The following AP1M1 variants were observed in gnomAD, a reference collection of about 807,000 sequenced individuals.
AP1M1 encodes the protein AP-1 complex subunit mu-1.
Under a neutral mutation model 57.1 loss-of-function variants are expected in AP1M1, and 18 were observed. That is an observed-to-expected ratio of 0.32 (90% confidence interval 0.22 to 0.47). AP1M1 has a LOEUF of 0.47. AP1M1 is among the 20% of genes least tolerant of loss of function. The probability of loss-of-function intolerance (pLI) is 1.00; values close to 1 mark genes in which losing one functional copy is unlikely to be tolerated. For synonymous variants in AP1M1, 241 were observed against 237.9 expected (o/e 1.01, Z -0.12); for missense variants, 362 against 593.5 (o/e 0.61, Z 4.05).
Position 16,238,264 on chromosome 19 carries a change from C to T in AP1M1, c.*3829C>T, listed in dbSNP as rs1341855071. Reference sequence around the variant, plus strand: ...CTAGTTGAGAAAAGCCCTGAGAAGTCCATGCACCAATATATAGAGAAATAT... The same window carrying T: ...CTAGTTGAGAAAAGCCCTGAGAAGTTCATGCACCAATATATAGAGAAATAT... On this transcript the variant is annotated 3_prime_UTR_variant, in exon 12 of 12. Transcript: ENST00000291439. The T allele has an allele frequency of 1.3e-5, 2 of 152,134 alleles. No individual in the cohort carries two copies. The highest frequency in any genetic ancestry group is 2.9e-5 in the Non-Finnish European group (2 of 68,048). 9.4% of individuals were successfully genotyped at this position (152,134 alleles called of 1,614,324 possible). A position where few individuals can be genotyped will look rare whatever the true frequency, so the allele number is the denominator to read the frequency against.
intron 5 of AP1M1, among the ~76,000 whole-genome samples, chr19:16,223,740 C>T (rs1042261891): frequency 6.6e-6 from 1 of 152,142 alleles, no homozygotes; most frequent in Non-Finnish European, 1.5e-5. Flanking sequence ...GGTGGGAACA[C>T]TCTGCATTCG....
chr19:16,215,463 CAAAAAAAAAAAA>C (rs59357311), intron 5 of AP1M1, among the ~76,000 whole-genome samples: 14 of 31,000 alleles, frequency 4.5e-4, no homozygotes, highest in South Asian at 1.8e-3. Context: ...GATTCCATCT[CAAAAAAAAAAAA>C]AAAAAAAAAA....
In AP1M1 at chr19:16,209,099, G is replaced by T. The variant is rs747379798; in HGVS notation, c.468G>T (p.Ala156=). ...GGCCACCAGCCACCGTCACCAACGC[G>T]GTGTCCTGGCGGTCCGAAGGCATCA... ...APRPPATVTN[A]VSWRSEGIKY... Residue 156 remains alanine, a synonymous_variant, in exon 5 of 12, where the codon GCG becomes GCT. Transcript: ENST00000291439. 6.2e-6 allele frequency: 10 copies of T among 1,614,192 alleles called. No individual in the cohort carries two copies. Among genetic ancestry groups the T allele is most frequent in the Middle Eastern group, 3.3e-4 (2 of 6,062 alleles).
rs2091621746 is a variant in AP1M1, at chr19:16,235,636, T to TGGCC, written c.*1202_*1205dup. On this transcript the variant is annotated 3_prime_UTR_variant, in exon 12 of 12. Coordinates refer to ENST00000291439, the MANE Select transcript of AP1M1 (RefSeq NM_032493.4). The stretch of plus-strand genomic sequence containing the variant: ...TTGTCCCCACCTCTCCCCAAACTGA[T>TGGCC]GGCCCACTCAGAGCATGGTCCTTGT... 2 of 152,328 alleles carry TGGCC rather than the reference T, an allele frequency of 1.3e-5. No homozygotes were observed. The highest frequency in any genetic ancestry group is 4.8e-5 in the African/African-American group (2 of 41,458). 9.4% of individuals were successfully genotyped at this position (152,328 alleles called of 1,614,324 possible). A position where few individuals can be genotyped will look rare whatever the true frequency, so the allele number is the denominator to read the frequency against.
chr19:16,233,903 A>G, intron 10 of AP1M1: 1 of 547,196 alleles, frequency 1.8e-6, no homozygotes, highest in Non-Finnish European at 3.2e-6. Flanking sequence ...TCAAAAGCCC[A>G]CAGAGGGAGG....
chr19:16,202,181 G>T (rs892930649), intron 1 of AP1M1, among the ~76,000 whole-genome samples: 3 of 152,176 alleles, frequency 2.0e-5, no homozygotes, highest in Non-Finnish European at 2.9e-5. Flanking sequence ...CGCCTTGAGA[G>T]AATAAAGGCA....
chr19:16,201,597 C>A (rs2145111261), intron 1 of AP1M1, among the ~76,000 whole-genome samples: 1 of 152,082 alleles, frequency 6.6e-6, no homozygotes, highest in South Asian at 2.1e-4. Flanking sequence ...AGGGTTTCAC[C>A]ATATTGGTCA....
At position 16,227,310 on chromosome 19, in the gene AP1M1, C is replaced by T. The variant is rs1315918994; in HGVS notation, c.674-238C>T. On this transcript the variant is annotated intron_variant, in intron 6 of 11. Coordinates refer to ENST00000291439, the MANE Select transcript of AP1M1 (RefSeq NM_032493.4). The surrounding 1 kb of genome is among the most constrained non-coding windows in gnomAD (Gnocchi z 6.2). ...TCCCCTGGCTGGGCCCTGGGATGGC[C>T]GCTGGGGACTCAGCATGAACCAGAC... Among the ~76,000 whole-genome samples the T allele has an allele frequency of 1.0e-5, 1 of 98,786 alleles. No individual in the cohort carries two copies. The highest frequency in any genetic ancestry group is 3.0e-5 in the Non-Finnish European group (1 of 33,076). 64.8% of individuals were successfully genotyped at this position (98,786 alleles called of 152,430 possible). A position where few individuals can be genotyped will look rare whatever the true frequency, so the allele number is the denominator to read the frequency against.
chr19:16,223,937 T>C (rs1207039603), intron 5 of AP1M1, among the ~76,000 whole-genome samples: 1 of 152,226 alleles, frequency 6.6e-6, no homozygotes, highest in Non-Finnish European at 1.5e-5. Flanking sequence ...CTGTATGGGC[T>C]CAGCCAATCC....
At chr19:16,226,635 A>T (rs995523679) in intron 6 of AP1M1, 88 bp downstream of exon 6, 2 of 1,457,048 alleles carry the variant, frequency 1.4e-6, no homozygotes, top group Non-Finnish European at 1.8e-6. Flanking sequence ...GGCCAGGCGG[A>T]GGAACGAGCT....
chr19:16,209,715 A>G (rs905032586), intron 5 of AP1M1, among the ~76,000 whole-genome samples: 4 of 152,186 alleles, frequency 2.6e-5, no homozygotes, highest in African/African-American at 4.8e-5. Context: ...ACAGACAGAA[A>G]CAAGTATATT....
At chr19:16,214,970 G>A (rs2091511293) in intron 5 of AP1M1, among the ~76,000 whole-genome samples, 1 of 149,672 alleles carries the variant, frequency 6.7e-6, no homozygotes, top group African/African-American at 2.5e-5. Context: ...GCTAGTCTCA[G>A]ACTCCTGGAT....
Position 16,203,387 on chromosome 19 carries a change from A to G in AP1M1, c.43-72A>G, listed in dbSNP as rs1403205934. ...AGAGCGAAGCAGGGTGGTGCATCTC[A>G]CCCCCTGCCCCAAGCCCCCAGATTG... On this transcript the variant is annotated intron_variant, in intron 1 of 11. Transcript: ENST00000291439. The surrounding 1 kb of genome is among the most constrained non-coding windows in gnomAD (Gnocchi z 4.6). 1.3e-6 allele frequency: 2 copies of G among 1,527,410 alleles called. No homozygotes were observed. The highest frequency in any genetic ancestry group is 2.7e-5 in the African/African-American group (2 of 72,956). The allele number at this position is 1,527,410 out of a possible 1,614,324, so 94.6% of individuals were successfully genotyped here. A position where few individuals can be genotyped will look rare whatever the true frequency, so the allele number is the denominator to read the frequency against.
At position 16,244,601 on chromosome 19, in the gene AP1M1, C is replaced by G. The variant is rs929985095; in HGVS notation, c.*10166C>G. 4 of 152,046 alleles carry G rather than the reference C, an allele frequency of 2.6e-5. No individual in the cohort carries two copies. Among genetic ancestry groups the G allele is most frequent in the African/African-American group, 9.7e-5 (4 of 41,416 alleles). The allele number at this position is 152,046 out of a possible 1,614,324, so 9.4% of individuals were successfully genotyped here. ...ATGGATACACTTTGGGAGGCCGAGG[C>G]GGGCGGATCACGAGGTCAGGAGATC... On this transcript the variant is annotated 3_prime_UTR_variant, in exon 12 of 12. Coordinates refer to ENST00000291439, the MANE Select transcript of AP1M1 (RefSeq NM_032493.4).
intron 5 of AP1M1, among the ~76,000 whole-genome samples, chr19:16,215,603 GCTT>G: frequency 6.6e-6 from 1 of 151,426 alleles, no homozygotes; most frequent in Non-Finnish European, 1.5e-5. Flanking sequence ...TGTCTCTCTA[GCTT>G]CTTTCATTTT....
At chr19:16,211,729 G>A (rs538262840) in intron 5 of AP1M1, among the ~76,000 whole-genome samples, 5 of 151,800 alleles carry the variant, frequency 3.3e-5, no homozygotes, top group Admixed American at 3.3e-4. Flanking sequence ...CAGCCTGGGC[G>A]ACAGAGCAAG....
intron 5 of AP1M1, among the ~76,000 whole-genome samples, chr19:16,216,139 A>G (rs1416028875): frequency 6.6e-6 from 1 of 152,072 alleles, no homozygotes; most frequent in Non-Finnish European, 1.5e-5. Flanking sequence ...CTTTGTTCCT[A>G]TCCATATTCT....
chr19:16,203,035 C>G lies in AP1M1; in HGVS notation c.43-424C>G, dbSNP rs2091455018. The G allele has an allele frequency of 4.7e-6, 1 of 214,246 alleles. No individual in the cohort carries two copies. Among genetic ancestry groups the G allele is most frequent in the Non-Finnish European group, 9.6e-6 (1 of 104,572 alleles). The allele number at this position is 214,246 out of a possible 1,614,324, so 13.3% of individuals were successfully genotyped here. Reference sequence around the variant, plus strand: ...GAAGAGGGCTTCTCCCTTCAGGCCACCTGTGGACTTCAGTAAATACGAACC... The same window carrying G: ...GAAGAGGGCTTCTCCCTTCAGGCCAGCTGTGGACTTCAGTAAATACGAACC... On this transcript the variant is annotated intron_variant, in intron 1 of 11. Coordinates refer to ENST00000291439, the MANE Select transcript of AP1M1 (RefSeq NM_032493.4). The surrounding 1 kb of genome is among the most constrained non-coding windows in gnomAD (Gnocchi z 4.6).
At position 16,238,484 on chromosome 19, in the gene AP1M1, T is replaced by C. The variant is rs986027613; in HGVS notation, c.*4049T>C. The C allele has an allele frequency of 8.6e-5, 13 of 152,018 alleles. No homozygotes were observed. The highest frequency in any genetic ancestry group is 2.7e-4 in the African/African-American group (11 of 41,388). 9.4% of individuals were successfully genotyped at this position (152,018 alleles called of 1,614,324 possible). A position where few individuals can be genotyped will look rare whatever the true frequency, so the allele number is the denominator to read the frequency against. ...AACAACATTGAGCGGGAAAAATGTT[T>C]ACAAAAGAAAATGCAGTAATCTAGT... On this transcript the variant is annotated 3_prime_UTR_variant, in exon 12 of 12. Coordinates refer to ENST00000291439, the MANE Select transcript of AP1M1 (RefSeq NM_032493.4).
Sources: gnomAD v4.1 joint callset for allele counts (sites outside exome capture counted in the v4.1 genomes callset) on GRCh38, gnomAD v4.1.1 for gene constraint, Gnocchi (gnomAD v3.1) non-coding constraint, MANE v1.5 for transcripts, NCBI Gene and HGNC (gene_info 2026-07-23, HGNC 2026-07-21) for gene names.